Variants in MTA3 observed in about 807,000 individuals in gnomAD.
MTA3 encodes the protein metastasis associated 1 family member 3, also known as metastasis-associated protein MTA3.
A neutral mutation model predicts 83.5 loss-of-function variants in MTA3; 34 were observed. The ratio of observed to expected loss-of-function variants is 0.41; its 90% confidence interval spans 0.31 to 0.54. The LOEUF (loss-of-function observed/expected upper bound fraction) is 0.54, where lower values mean the gene tolerates loss of function less well. Among genes scored for constraint, MTA3 ranks in the 20% least tolerant of loss-of-function variants. The pLI is 0.33. For synonymous variants in MTA3, 303 were observed against 252.7 expected, an observed-to-expected ratio of 1.20 and a Z score of -1.89; for missense variants, 761 against 726.4, an observed-to-expected ratio of 1.05 and a Z score of -0.55.
At chr2:42,704,849 A>AAC (rs1230374712) in intron 12 of MTA3, among the ~76,000 whole-genome samples, 1 of 152,076 alleles carries the variant, frequency 6.6e-6, no homozygotes, top group Non-Finnish European at 1.5e-5. Flanking sequence ...GCAGTATTTT[A>AAC]TTTGCCCAGG....
chr2:42,735,509 C>T (rs1007679326), intron 16 of MTA3, among the ~76,000 whole-genome samples: 1 of 152,116 alleles, frequency 6.6e-6, no homozygotes, highest in Non-Finnish European at 1.5e-5. Context: ...ATATCTTTCT[C>T]TAGGTTTGAG....
intron 2 of MTA3, among the ~76,000 whole-genome samples, chr2:42,517,298 G>T (rs1430061969): frequency 6.6e-6 from 1 of 150,482 alleles, no homozygotes; most frequent in Non-Finnish European, 1.5e-5. Flanking sequence ...TAGGCTGGGT[G>T]CAGTGGCTCA....
intron 2 of MTA3, among the ~76,000 whole-genome samples, chr2:42,557,328 A>G (rs1409234554): frequency 7.1e-6 from 1 of 139,918 alleles, no homozygotes; most frequent in African/African-American, 2.6e-5. Flanking sequence ...AACACAGTCC[A>G]GATTTTTCTT....
At chr2:42,687,049 C>A (rs1223300631) in intron 9 of MTA3, among the ~76,000 whole-genome samples, 2 of 151,988 alleles carry the variant, frequency 1.3e-5, no homozygotes, top group African/African-American at 2.4e-5. Context: ...ATTGCTTGAA[C>A]CCAGGAGGCA....
At chr2:42,597,375 C>CTTTTTTTTTTTTT in intron 3 of MTA3, among the ~76,000 whole-genome samples, 1 of 108,456 alleles carries the variant, frequency 9.2e-6, no homozygotes, top group Non-Finnish European at 1.8e-5. Context: ...GACAAGTTAT[C>CTTTTTTTTTTTTT]TTTTTTTTTT....
chr2:42,672,331 C>T (rs1690873010), intron 8 of MTA3, among the ~76,000 whole-genome samples: 1 of 148,030 alleles, frequency 6.8e-6, no homozygotes, highest in Non-Finnish European at 1.5e-5. Context: ...CATAGTAAGT[C>T]CTCCTCTCTA....
chr2:42,726,299 G>C (rs1408359994), intron 16 of MTA3, among the ~76,000 whole-genome samples: 1 of 151,770 alleles, frequency 6.6e-6, no homozygotes, highest in Non-Finnish European at 1.5e-5. Flanking sequence ...CCCCTTCAGT[G>C]GCTTGCCTCC....
intron 2 of MTA3, among the ~76,000 whole-genome samples, chr2:42,500,650 C>T (rs2103641195): frequency 6.6e-6 from 1 of 152,076 alleles, no homozygotes; most frequent in Non-Finnish European, 1.5e-5. Flanking sequence ...CTCTACCTTC[C>T]TAGGTTCTTG....
At chr2:42,715,728 T>C (rs193063049) in intron 14 of MTA3, among the ~76,000 whole-genome samples, 2 of 152,310 alleles carry the variant, frequency 1.3e-5, no homozygotes, top group Non-Finnish European at 2.9e-5. Flanking sequence ...ATTGTGTTGG[T>C]GACCTCTTTG....
rs762204620 is a variant in MTA3 at position 42,659,859 on chromosome 2, C to G, written c.699C>G (p.Thr233=). The G allele has an allele frequency of 6.3e-7, 1 of 1,596,786 alleles. No individual in the cohort carries two copies. Among genetic ancestry groups the G allele is most frequent in the Non-Finnish European group, 8.5e-7 (1 of 1,172,082 alleles). ...MSAAAASRDI[T]LFHAMDTLYR... ...CTGCTGCAGCTTCCCGAGACATCAC[C>G]TTGGTAAGACATGGTTTGAAATTTT... is the stretch of plus-strand genomic sequence containing the variant. Residue 233 remains threonine (T), a synonymous_variant, in exon 8 of 17, where the codon ACC becomes ACG. Coordinates refer to ENST00000405094, the MANE Select transcript of MTA3 (RefSeq NM_001330442.2).
At chr2:42,590,613 CTTT>C (rs746232027) in intron 3 of MTA3, among the ~76,000 whole-genome samples, 5 of 115,672 alleles carry the variant, frequency 4.3e-5, no homozygotes, top group Admixed American at 1.1e-4. Context: ...TTCATGTTTG[CTTT>C]TTTTTTTTTT....
intron 2 of MTA3, among the ~76,000 whole-genome samples, chr2:42,539,328 A>G (rs1676416310): frequency 6.6e-6 from 1 of 152,138 alleles, no homozygotes; most frequent in African/African-American, 2.4e-5. Flanking sequence ...ATGGAAGGGG[A>G]AAAAAACAAG....
intron 3 of MTA3, among the ~76,000 whole-genome samples, chr2:42,598,765 G>A (rs1421183496): frequency 2.6e-5 from 4 of 152,136 alleles, no homozygotes; most frequent in Non-Finnish European, 4.4e-5. Context: ...TGTGTTGAGG[G>A]TTTTTGTAGC....
intron 2 of MTA3, among the ~76,000 whole-genome samples, chr2:42,532,534 A>G (rs1037166405): frequency 6.6e-6 from 1 of 152,212 alleles, no homozygotes; most frequent in Non-Finnish European, 1.5e-5. Context: ...GAAAAAAAGT[A>G]TATCTGGCTG....
At chr2:42,534,608 G>C (rs893406473) in intron 2 of MTA3, among the ~76,000 whole-genome samples, 7 of 151,726 alleles carry the variant, frequency 4.6e-5, no homozygotes. Context: ...AGAAGAAAAA[G>C]AAAAAGAAAA....
At chr2:42,580,272 T>C (rs1049361319) in intron 3 of MTA3, among the ~76,000 whole-genome samples, 1 of 152,094 alleles carries the variant, frequency 6.6e-6, no homozygotes, top group Non-Finnish European at 1.5e-5. Context: ...TGAGCCACCA[T>C]GCCCAGCCAC....
chr2:42,502,836 G>A (rs907130858), intron 2 of MTA3, among the ~76,000 whole-genome samples: 3 of 149,750 alleles, frequency 2.0e-5, no homozygotes, highest in African/African-American at 4.9e-5. Context: ...GGTGGCAGCC[G>A]CCTGTAATCC....
At chr2:42,573,497 C>T (rs1678709919) in intron 2 of MTA3, among the ~76,000 whole-genome samples, 1 of 152,034 alleles carries the variant, frequency 6.6e-6, no homozygotes, top group Non-Finnish European at 1.5e-5. Flanking sequence ...CAGGCATGTA[C>T]CACCATACCT....
At chr2:42,706,135 G>T (rs941734152) in intron 12 of MTA3, among the ~76,000 whole-genome samples, 6 of 152,110 alleles carry the variant, frequency 3.9e-5, no homozygotes, top group Non-Finnish European at 7.4e-5. Context: ...TGGGGTGGGG[G>T]GAGCAGGGAG....
Sources: gnomAD v4.1 joint callset for allele counts (sites outside exome capture counted in the v4.1 genomes callset) on GRCh38, gnomAD v4.1.1 for gene constraint, MANE v1.5 for transcripts, NCBI Gene and HGNC (gene_info 2026-07-23, HGNC 2026-07-21) for gene names.